PDCD1LG2: variants seen among roughly 807,000 people sequenced by gnomAD.
PDCD1LG2 encodes the protein programmed cell death 1 ligand 2.
In PDCD1LG2, 32 loss-of-function variants were observed where a neutral mutation model predicts 28.2. The ratio of observed to expected loss-of-function variants is 1.13; its 90% confidence interval spans 0.86 to 1.52. The LOEUF (loss-of-function observed/expected upper bound fraction) is 1.52. PDCD1LG2 is among the 40% of genes most tolerant of loss of function. The pLI, the probability that PDCD1LG2 is intolerant of heterozygous loss-of-function variation, is 0.00. For synonymous variants in PDCD1LG2, 116 were observed against 120.2 expected, an observed-to-expected ratio of 0.97 and a Z score of 0.23; for missense variants, 385 against 323.8, an observed-to-expected ratio of 1.19 and a Z score of -1.45.
chr9:5,543,163 C>G (rs1820719369), intron 3 of PDCD1LG2, among the ~76,000 whole-genome samples: 1 of 152,020 alleles, frequency 6.6e-6, no homozygotes, highest in South Asian at 2.1e-4. Flanking sequence ...GCGAGCTAAG[C>G]TATGAGGATG....
intron 1 of PDCD1LG2, among the ~76,000 whole-genome samples, chr9:5,512,507 A>G (rs73641630): frequency 0.015 from 2,277 of 152,138 alleles, 54 homozygotes; most frequent in African/African-American, 0.053. Context: ...TCTTCTGACC[A>G]CCTTGTCTCT....
chr9:5,563,524 G>T (rs967657345), intron 6 of PDCD1LG2, among the ~76,000 whole-genome samples: 2 of 152,222 alleles, frequency 1.3e-5, no homozygotes, highest in African/African-American at 4.8e-5. Flanking sequence ...ATTGACAATG[G>T]ATGTTTTTGC....
chr9:5,515,691 G>A (rs1376039188), intron 1 of PDCD1LG2, among the ~76,000 whole-genome samples: 5 of 152,032 alleles, frequency 3.3e-5, no homozygotes, highest in South Asian at 2.1e-4. Flanking sequence ...TTGGGAGGCC[G>A]AGGCGGGTGG....
intron 2 of PDCD1LG2, among the ~76,000 whole-genome samples, chr9:5,532,067 A>C (rs1162959187): frequency 1.3e-5 from 2 of 152,206 alleles, no homozygotes; most frequent in African/African-American, 4.8e-5. Context: ...GGAGATTCTG[A>C]GGTGAGAGCT....
Position 5,535,181 on chromosome 9 carries a change from G to C in PDCD1LG2, c.361+131G>C, listed in dbSNP as rs367897621. On this transcript the variant is annotated intron_variant, in intron 3 of 6. Coordinates refer to ENST00000397747, the MANE Select transcript of PDCD1LG2 (RefSeq NM_025239.4). ...CTTTTAAGGAGACAGCTATTTCAGAGAAAATGAAAGCATCTGCTCGGAAAT... is the reference window on the plus strand; with the variant it reads ...CTTTTAAGGAGACAGCTATTTCAGACAAAATGAAAGCATCTGCTCGGAAAT... The C allele has an allele frequency of 1.1e-4, 86 of 809,710 alleles. No homozygotes were observed. The African/African-American group carries it at 1.2e-3, about 11-fold the overall frequency. 50.2% of individuals were successfully genotyped at this position (809,710 alleles called of 1,614,324 possible).
At chr9:5,543,271 T>G (rs113896261) in intron 3 of PDCD1LG2, among the ~76,000 whole-genome samples, 3,015 of 152,118 alleles carry the variant, frequency 0.02, 41 homozygotes, top group Non-Finnish European at 0.028. Context: ...CAGGCGTGGT[T>G]GCTCACACCT....
At chr9:5,564,835 A>G (rs1816632392) in intron 6 of PDCD1LG2, among the ~76,000 whole-genome samples, 1 of 152,150 alleles carries the variant, frequency 6.6e-6, no homozygotes, top group Non-Finnish European at 1.5e-5. Context: ...CATGTTGGTT[A>G]TTTTTTTGGA....
intron 5 of PDCD1LG2, among the ~76,000 whole-genome samples, chr9:5,559,094 C>T (rs1261443811): frequency 1.3e-5 from 2 of 152,094 alleles, no homozygotes; most frequent in Admixed American, 6.5e-5. Context: ...CTGAGTGTTC[C>T]GTTCCAGCTG....
At chr9:5,537,034 T>C (rs1036855069) in intron 3 of PDCD1LG2, among the ~76,000 whole-genome samples, 4 of 152,236 alleles carry the variant, frequency 2.6e-5, no homozygotes, top group Non-Finnish European at 5.9e-5. Flanking sequence ...GATGGAACTG[T>C]TATGACTAAA....
chr9:5,521,579 C>A (rs545803090), intron 1 of PDCD1LG2, among the ~76,000 whole-genome samples: 1 of 152,148 alleles, frequency 6.6e-6, no homozygotes, highest in Non-Finnish European at 1.5e-5. Flanking sequence ...TGCTTGTAAT[C>A]TTGCCAGCAA....
intron 2 of PDCD1LG2, among the ~76,000 whole-genome samples, chr9:5,528,875 A>G (rs879351894): frequency 2.6e-5 from 4 of 152,170 alleles, no homozygotes; most frequent in East Asian, 1.9e-4. Flanking sequence ...AATTACAGGC[A>G]TGTACCACCA....
rs112257467 is a variant in PDCD1LG2, at chr9:5,538,775, A to T, written c.361+3725A>T. 6.0e-3 allele frequency among the ~76,000 whole-genome samples: 915 copies of T among 152,284 alleles called. 7 individuals carry two copies. The highest frequency in any genetic ancestry group is 0.017 in the African/African-American group (721 of 41,568). The stretch of plus-strand genomic sequence containing the variant: ...AGCAATAACAGATATAACAGCAGAA[A>T]AAATTGTGAAGTTATGTGCACCTTC... On this transcript the variant is annotated intron_variant, in intron 3 of 6. Transcript: ENST00000397747.
At chr9:5,535,138 G>A in intron 3 of PDCD1LG2, 88 bp downstream of exon 3, 3 of 1,168,038 alleles carry the variant, frequency 2.6e-6, no homozygotes, top group Non-Finnish European at 3.5e-6. Context: ...GGTAGCTCAA[G>A]CAAAAACAAG....
chr9:5,540,733 C>CA (rs147292282), intron 3 of PDCD1LG2, among the ~76,000 whole-genome samples: 10 of 150,732 alleles, frequency 6.6e-5, no homozygotes, highest in East Asian at 3.9e-4. Flanking sequence ...AAATTGTCAA[C>CA]AAAAAAAAAT....
intron 6 of PDCD1LG2, among the ~76,000 whole-genome samples, chr9:5,567,843 A>C (rs997167692): frequency 6.6e-6 from 1 of 152,244 alleles, no homozygotes; most frequent in Non-Finnish European, 1.5e-5. Context: ...CCGATAAGGT[A>C]CTCAAGAAAC....
At chr9:5,544,067 A>C (rs1820745813) in intron 3 of PDCD1LG2, among the ~76,000 whole-genome samples, 1 of 152,370 alleles carries the variant, frequency 6.6e-6, no homozygotes, top group South Asian at 2.1e-4. Flanking sequence ...TATAAAACAG[A>C]TACTACCATG....
intron 3 of PDCD1LG2, among the ~76,000 whole-genome samples, chr9:5,544,606 A>G (rs1325623694): frequency 6.6e-6 from 1 of 152,188 alleles, no homozygotes; most frequent in Non-Finnish European, 1.5e-5. Context: ...AGGCAAACAG[A>G]CCCAGGACAC....
chr9:5,522,983 G>A (rs922726596), intron 2 of PDCD1LG2, among the ~76,000 whole-genome samples: 1 of 152,164 alleles, frequency 6.6e-6, no homozygotes, highest in African/African-American at 2.4e-5. Context: ...AGGAGACAAT[G>A]GCCAGGGAAC....
chr9:5,557,546 T>C (rs1816470199), intron 4 of PDCD1LG2, 72 bp from the exon 5 acceptor site: 4 of 1,549,394 alleles, frequency 2.6e-6, no homozygotes, highest in East Asian at 4.5e-5. Flanking sequence ...TGTCACCCAC[T>C]CATGTGGCCA....
Sources: allele counts gnomAD v4.1 joint callset (sites outside exome capture counted in the v4.1 genomes callset), GRCh38; gene constraint gnomAD v4.1.1; transcripts MANE v1.5; gene names NCBI Gene and HGNC (gene_info 2026-07-23, HGNC 2026-07-21).